ACAP3: variants seen among roughly 807,000 people sequenced by gnomAD.
ACAP3 encodes the protein ArfGAP with coiled-coil, ankyrin repeat and PH domains 3, also known as arf-GAP with coiled-coil, ANK repeat and PH domain-containing protein 3.
Under a neutral mutation model 104.1 loss-of-function variants are expected in ACAP3, and 56 were observed. The observed-to-expected ratio is 0.54, with a 90% CI of 0.43 to 0.67. The LOEUF (loss-of-function observed/expected upper bound fraction) is 0.67, where lower values mean the gene tolerates loss of function less well. Ranked by LOEUF, ACAP3 falls within the 30% of genes least tolerant of loss-of-function variation. The pLI, the probability that ACAP3 is intolerant of heterozygous loss-of-function variation, is 0.00. For missense variants in ACAP3, 1,208 were observed against 1,174.9 expected (o/e 1.03, Z -0.41); for synonymous variants, 628 against 496.2 (o/e 1.27, Z -3.53).
At chr1:1,301,258 C>CTTTTTT (rs869238177) in intron 5 of ACAP3, among the ~76,000 whole-genome samples, 1 of 105,426 alleles carries the variant, frequency 9.5e-6, no homozygotes, top group African/African-American at 3.7e-5. Context: ...TTGGGGGTGT[C>CTTTTTT]TTTTTTTTTT....
At chr1:1,296,305 T>C (rs1641147499) in intron 15 of ACAP3, 25 bp from the exon 16 acceptor site, 1 of 1,551,640 alleles carries the variant, frequency 6.4e-7, no homozygotes, top group Non-Finnish European at 8.7e-7. Context: ...TAGGGATGAG[T>C]CTGGGGGAGG....
chr1:1,306,416 C>A (rs1314227761), intron 1 of ACAP3, among the ~76,000 whole-genome samples: 1 of 152,188 alleles, frequency 6.6e-6, no homozygotes, highest in Non-Finnish European at 1.5e-5. Flanking sequence ...AGCCCGGGTC[C>A]TCAATGCAGG....
chr1:1,300,017 G>T lies in ACAP3; in HGVS notation c.619C>A (p.Leu207Ile). 6.2e-7 allele frequency: 1 copy of T among 1,612,530 alleles called. No individual in the cohort carries two copies. Among genetic ancestry groups the T allele is most frequent in the Non-Finnish European group, 8.5e-7 (1 of 1,179,844 alleles). The change falls in exon 8 of 24, where the codon CTC becomes ATC. Residue 207 changes from leucine (L) to isoleucine (I), a missense_variant. Leu to Ile is a conservative substitution (Grantham distance 5, BLOSUM62 2). Coordinates refer to ENST00000354700, the MANE Select transcript of ACAP3 (RefSeq NM_030649.3). ...ATGTAGGGGTCCAGCTGGTGCAGGAGGCTGTAGCCCTGCTGGAAGAAGCTG... is the reference window on the plus strand; with the variant it reads ...ATGTAGGGGTCCAGCTGGTGCAGGATGCTGTAGCCCTGCTGGAAGAAGCTG... Reference protein sequence around the residue: ...QSSFFQQGYSLLHQLDPYMKK... With the variant: ...QSSFFQQGYSILHQLDPYMKK...
intron 7 of ACAP3, 34 bp from the exon 8 acceptor site, chr1:1,300,102 C>G (rs759635898): frequency 2.5e-6 from 4 of 1,607,352 alleles, no homozygotes; most frequent in Non-Finnish European, 3.4e-6. Context: ...CCCAAGCACA[C>G]CCGGTCCAGC....
At position 1,292,696 on chromosome 1, in the gene ACAP3, G is replaced by A. The variant is rs1570620077; in HGVS notation, c.*868C>T. On this transcript the variant is annotated 3_prime_UTR_variant, in exon 24 of 24. Transcript: ENST00000354700. ...TGGGGAAGGGGTGCGTGAAGGCATT[G>A]GCAGGCCCTGCAATATGAGCCGAAA... The A allele has an allele frequency of 6.6e-6, 1 of 152,336 alleles. No homozygotes were observed. Among genetic ancestry groups the A allele is most frequent in the South Asian group, 2.1e-4 (1 of 4,836 alleles). The allele number at this position is 152,336 out of a possible 1,614,324, so 9.4% of individuals were successfully genotyped here. A position where few individuals can be genotyped will look rare whatever the true frequency, so the allele number is the denominator to read the frequency against.
At chr1:1,305,072 C>T (rs967542508) in intron 1 of ACAP3, 1 of 152,350 alleles carries the variant, frequency 6.6e-6, no homozygotes, top group African/African-American at 2.4e-5. Flanking sequence ...ACCTTGCTAC[C>T]CTGACCGGTG....
At chr1:1,297,657 G>C (rs1641243464) in intron 14 of ACAP3, among the ~76,000 whole-genome samples, 165 bp downstream of exon 14, 1 of 91,886 alleles carries the variant, frequency 1.1e-5, no homozygotes, top group Admixed American at 1.0e-4. Flanking sequence ...GTGTGTGTGT[G>C]CACAGGCGCG....
chr1:1,303,813 A>C lies in ACAP3; in HGVS notation c.105+273T>G. 3.7e-6 allele frequency: 2 copies of C among 536,910 alleles called. No homozygotes were observed. Among genetic ancestry groups the C allele is most frequent in the East Asian group, 3.3e-5 (1 of 30,290 alleles). 33.3% of individuals were successfully genotyped at this position (536,910 alleles called of 1,614,324 possible). On this transcript the variant is annotated intron_variant, in intron 2 of 23. Coordinates refer to ENST00000354700, the MANE Select transcript of ACAP3 (RefSeq NM_030649.3). This position sits in a 1 kb window ranked among gnomAD's most constrained non-coding sequence, Gnocchi z 4.0. ...GCAGCTGTCCCCGTGTCACCAGCCC[A>C]GCAGAGGGGACGGGCAGCCACCGTG...
At position 1,303,757 on chromosome 1, in the gene ACAP3, G is replaced by A. The variant is rs1641557974; in HGVS notation, c.105+329C>T. Reference sequence around the variant, plus strand: ...TGCCCCCTCCCCTTTCTCAGCCCCAGCCCCAGCCACACCAAGGCTCAGCCC... The same window carrying A: ...TGCCCCCTCCCCTTTCTCAGCCCCAACCCCAGCCACACCAAGGCTCAGCCC... On this transcript the variant is annotated intron_variant, in intron 2 of 23. Transcript: ENST00000354700. The surrounding 1 kb of genome is among the most constrained non-coding windows in gnomAD (Gnocchi z 4.0). The A allele has an allele frequency of 2.2e-6, 1 of 447,470 alleles. No individual in the cohort carries two copies. Among genetic ancestry groups the A allele is most frequent in the Admixed American group, 3.9e-5 (1 of 25,854 alleles). The allele number at this position is 447,470 out of a possible 1,614,324, so 27.7% of individuals were successfully genotyped here. A position where few individuals can be genotyped will look rare whatever the true frequency, so the allele number is the denominator to read the frequency against.
chr1:1,299,169 C>T (rs537859938), intron 10 of ACAP3, 176 bp downstream of exon 10: 34 of 828,352 alleles, frequency 4.1e-5, no homozygotes, highest in Middle Eastern at 2.5e-4. Flanking sequence ...GCCAACCCCA[C>T]GGGGAATGTG....
At chr1:1,301,102 T>C (rs1032675773) in intron 5 of ACAP3, among the ~76,000 whole-genome samples, 6 of 151,930 alleles carry the variant, frequency 3.9e-5, no homozygotes, top group African/African-American at 1.5e-4. Flanking sequence ...CTGTCTCTGT[T>C]GCCCAGGCTG....
chr1:1,293,947 T>G lies in ACAP3; in HGVS notation c.2250-14A>C. On this transcript the variant is annotated splice_polypyrimidine_tract_variant and intron_variant, in intron 22 of 23. Transcript: ENST00000354700. ...AGGCAAACCTGGCTGAGGGGCGAGG[T>G]CGGAGGGGCGTGTCGGGGCGGGGCG... is the stretch of plus-strand genomic sequence containing the variant. The G allele has an allele frequency of 6.7e-7, 1 of 1,497,332 alleles. No homozygotes were observed. The highest frequency in any genetic ancestry group is 9.0e-7 in the Non-Finnish European group (1 of 1,105,146). The allele number at this position is 1,497,332 out of a possible 1,614,324, so 92.8% of individuals were successfully genotyped here.
At chr1:1,295,216 C>G (rs1278114415) in intron 19 of ACAP3, among the ~76,000 whole-genome samples, 1 of 152,140 alleles carries the variant, frequency 6.6e-6, no homozygotes, top group Non-Finnish European at 1.5e-5. Context: ...TTCCCCAGCA[C>G]CCCGGGCCAC....
In ACAP3 at chr1:1,293,348, G is replaced by T; in HGVS notation, c.*216C>A. ...GGTGGGGTGAGGGACACCCGACGATGCAGCACCCCCCCAGGGAAACGTGAG... is the reference window on the plus strand; with the variant it reads ...GGTGGGGTGAGGGACACCCGACGATTCAGCACCCCCCCAGGGAAACGTGAG... On this transcript the variant is annotated 3_prime_UTR_variant, in exon 24 of 24. Coordinates refer to ENST00000354700, the MANE Select transcript of ACAP3 (RefSeq NM_030649.3). 2.6e-6 allele frequency: 1 copy of T among 382,166 alleles called. No homozygotes were observed. Among genetic ancestry groups the T allele is most frequent in the Non-Finnish European group, 4.3e-6 (1 of 232,054 alleles). The allele number at this position is 382,166 out of a possible 1,614,324, so 23.7% of individuals were successfully genotyped here. A position where few individuals can be genotyped will look rare whatever the true frequency, so the allele number is the denominator to read the frequency against.
At chr1:1,307,102 A>G in intron 1 of ACAP3, 1 of 1,105,452 alleles carries the variant, frequency 9.0e-7, no homozygotes, top group Non-Finnish European at 1.2e-6. Flanking sequence ...CTTTGCCTCC[A>G]TTGTCGTTTG....
At chr1:1,302,392 G>A (rs928572038) in intron 4 of ACAP3, among the ~76,000 whole-genome samples, 1 of 152,124 alleles carries the variant, frequency 6.6e-6, no homozygotes, top group Non-Finnish European at 1.5e-5. Context: ...AGCCAGAGCC[G>A]GGAGCACCCA....
chr1:1,304,571 G>A (rs1303144790), intron 1 of ACAP3: 1 of 225,748 alleles, frequency 4.4e-6, no homozygotes, highest in Non-Finnish European at 8.9e-6. Context: ...TCCAGGTCTG[G>A]CACCCATGCA....
intron 1 of ACAP3, 64 bp from the exon 2 acceptor site, chr1:1,304,207 C>T (rs1641581365): frequency 3.9e-6 from 6 of 1,539,016 alleles, no homozygotes; most frequent in South Asian, 3.6e-5. Context: ...GCTTCACCTC[C>T]CCCCGCACCT....
At chr1:1,307,451 G>C (rs976531380) in intron 1 of ACAP3, 1 of 1,295,606 alleles carries the variant, frequency 7.7e-7, no homozygotes, top group African/African-American at 1.5e-5. Flanking sequence ...CCTGGCCAGA[G>C]CTGGACTGCA....
Sources: allele counts gnomAD v4.1 joint callset (sites outside exome capture counted in the v4.1 genomes callset), GRCh38; gene constraint gnomAD v4.1.1; non-coding constraint Gnocchi (gnomAD v3.1); transcripts MANE v1.5; gene names NCBI Gene and HGNC (gene_info 2026-07-23, HGNC 2026-07-21).